The following TMEM265 variants were observed in gnomAD, a reference collection of about 807,000 sequenced individuals.
The protein encoded by TMEM265 is transmembrane protein 265.
In TMEM265, 8 loss-of-function variants were observed where a neutral mutation model predicts 9.5. That is an observed-to-expected ratio of 0.84 (90% CI 0.49 to 1.52). The LOEUF is 1.52. Among genes scored for constraint, TMEM265 ranks in the 40% most tolerant of loss-of-function variants. The pLI, the probability that TMEM265 is intolerant of heterozygous loss-of-function variation, is 0.00. For missense variants in TMEM265, 152 were observed against 146.2 expected (o/e 1.04, Z -0.21); for synonymous variants, 53 against 56.9 (o/e 0.93, Z 0.31).
In TMEM265 at chr16:30,741,785, G is replaced by A. The variant is rs1362453441; in HGVS notation, c.42G>A (p.Thr14=). 3.3e-6 allele frequency: 5 copies of A among 1,532,440 alleles called. No homozygotes were observed. The highest frequency in any genetic ancestry group is 2.4e-5 in the East Asian group (1 of 40,878). 94.9% of individuals were successfully genotyped at this position (1,532,440 alleles called of 1,614,324 possible). Residue 14 remains threonine, a synonymous_variant, in exon 2 of 3, where the codon ACG becomes ACA. Transcript: ENST00000615541. ...EEKAVEILGN[T]EAAHPPSPIR... is the part of the protein sequence containing the mutation. ...AGGCAGTGGAGATCTTGGGCAACAC[G>A]GAAGCTGCTCATCCTCCATCCCCCA... is the stretch of plus-strand genomic sequence containing the variant.
In TMEM265 at chr16:30,744,027, T is replaced by C. The variant is rs1047845133; in HGVS notation, c.*84T>C. The stretch of plus-strand genomic sequence containing the variant: ...TGCTAAGGTCCTGTGACAGCAGTGG[T>C]TGGAAGGATCCTGGTTGGAAGGATG... On this transcript the variant is annotated 3_prime_UTR_variant, in exon 3 of 3. Transcript: ENST00000615541. The C allele has an allele frequency of 1.4e-6, 2 of 1,430,346 alleles. No individual in the cohort carries two copies. The allele number at this position is 1,430,346 out of a possible 1,614,324, so 88.6% of individuals were successfully genotyped here. A position where few individuals can be genotyped will look rare whatever the true frequency, so the allele number is the denominator to read the frequency against.
In TMEM265 at chr16:30,744,416, C is replaced by A. The variant is rs1210384015; in HGVS notation, c.*473C>A. ...AAGAGAAGGAAACAATTTTTATTTT[C>A]TTCTTCTGGAAGTTTCCCTTCTTGG... On this transcript the variant is annotated 3_prime_UTR_variant, in exon 3 of 3. Coordinates refer to ENST00000615541, the MANE Select transcript of TMEM265 (RefSeq NM_001256829.2). The A allele has an allele frequency of 1.3e-5, 2 of 152,470 alleles. No homozygotes were observed. The highest frequency in any genetic ancestry group is 1.5e-5 in the Non-Finnish European group (1 of 68,230). The allele number at this position is 152,470 out of a possible 1,614,324, so 9.4% of individuals were successfully genotyped here.
In TMEM265 at chr16:30,744,196, G is replaced by T. The variant is rs2053242653; in HGVS notation, c.*253G>T. ...TCTCCCCTACCCTAGCCCACCCTAG[G>T]GCCTCTACCCAGCGGGAGGGGTTGA... On this transcript the variant is annotated 3_prime_UTR_variant, in exon 3 of 3. Coordinates refer to ENST00000615541, the MANE Select transcript of TMEM265 (RefSeq NM_001256829.2). 3 of 390,686 alleles carry T rather than the reference G, an allele frequency of 7.7e-6. No individual in the cohort carries two copies. The South Asian group carries it at 2.9e-4, about 37-fold the overall frequency. The allele number at this position is 390,686 out of a possible 1,614,324, so 24.2% of individuals were successfully genotyped here.
chr16:30,743,807 G>A lies in TMEM265; in HGVS notation c.191G>A (p.Arg64Gln), dbSNP rs764707518. ...GCGGAAGAGCGGCATAAAGCAGGCC[G>A]GTCCGAGGAGGCAGTGCGCTGGGGG... ...IKAEERHKAG[R>Q]SEEAVRWGAR... The change falls in exon 3 of 3, where the codon CGG (arginine) becomes CAG (glutamine). Residue 64 changes from arginine (R) to glutamine (Q), a missense_variant. Arg to Gln is a conservative substitution (Grantham distance 43, BLOSUM62 1). Transcript: ENST00000615541. 44 of 1,532,868 alleles carry A rather than the reference G, an allele frequency of 2.9e-5. No individual in the cohort carries two copies. The highest frequency in any genetic ancestry group is 8.2e-5 in the African/African-American group (6 of 72,848). 95.0% of individuals were successfully genotyped at this position (1,532,868 alleles called of 1,614,324 possible). A position where few individuals can be genotyped will look rare whatever the true frequency, so the allele number is the denominator to read the frequency against.
intron 1 of TMEM265, 196 bp from the exon 2 acceptor site, chr16:30,741,545 G>A: frequency 1.8e-6 from 1 of 558,058 alleles, no homozygotes; most frequent in Middle Eastern, 4.9e-4. Context: ...AGAACCTCAA[G>A]CTTAGGTAAA....
In TMEM265 at chr16:30,744,255, T is replaced by C; in HGVS notation, c.*312T>C. 8.1e-6 allele frequency: 2 copies of C among 246,804 alleles called. No individual in the cohort carries two copies. Among genetic ancestry groups the C allele is most frequent in the Non-Finnish European group, 1.5e-5 (2 of 130,444 alleles). 15.3% of individuals were successfully genotyped at this position (246,804 alleles called of 1,614,324 possible). ...CCTGGTTTTATTAGAATTCATTTTG[T>C]AATAAAAGCCTTTTTTAGTGGTGAA... On this transcript the variant is annotated 3_prime_UTR_variant, in exon 3 of 3. Transcript: ENST00000615541.
Position 30,741,723 on chromosome 16 carries a change from C to T in TMEM265, c.-3-18C>T, listed in dbSNP as rs1178067134. 2 of 1,529,634 alleles carry T rather than the reference C, an allele frequency of 1.3e-6. No individual in the cohort carries two copies. The highest frequency in any genetic ancestry group is 1.7e-6 in the Non-Finnish European group (2 of 1,143,390). The allele number at this position is 1,529,634 out of a possible 1,614,324, so 94.8% of individuals were successfully genotyped here. Reference sequence around the variant, plus strand: ...GCTCTGTTGTTGGGCTCACAAGTACCTTGACTATCGCCCACAGGTGATGGA... The same window carrying T: ...GCTCTGTTGTTGGGCTCACAAGTACTTTGACTATCGCCCACAGGTGATGGA... On this transcript the variant is annotated intron_variant, in intron 1 of 2. Transcript: ENST00000615541.
intron 2 of TMEM265, 57 bp downstream of exon 2, chr16:30,741,965 A>G (rs2053229348): frequency 6.7e-7 from 1 of 1,483,504 alleles, no homozygotes; most frequent in Non-Finnish European, 9.0e-7. Flanking sequence ...GGTTTCATGT[A>G]TCTGATCTAT....
At chr16:30,742,949 A>C (rs541978251) in intron 2 of TMEM265, among the ~76,000 whole-genome samples, 16 of 151,602 alleles carry the variant, frequency 1.1e-4, no homozygotes, top group East Asian at 7.8e-4. Flanking sequence ...ACAAAAAAAA[A>C]CAGCACATGT....
chr16:30,743,401 G>A (rs535297863), intron 2 of TMEM265, among the ~76,000 whole-genome samples: 1 of 152,062 alleles, frequency 6.6e-6, no homozygotes, highest in African/African-American at 2.4e-5. Flanking sequence ...AAAAAAAGAT[G>A]GAAAAGATGA....
At chr16:30,741,038 T>C (rs941167037) in intron 1 of TMEM265, 2 of 152,208 alleles carry the variant, frequency 1.3e-5, no homozygotes, top group African/African-American at 4.8e-5. Context: ...GGCATCATTT[T>C]GCAGGTTTCT....
In TMEM265 at chr16:30,743,784, G is replaced by A. The variant is rs1447193092; in HGVS notation, c.168G>A (p.Ala56=). 26 of 1,526,476 alleles carry A rather than the reference G, an allele frequency of 1.7e-5. No individual in the cohort carries two copies. The highest frequency in any genetic ancestry group is 2.3e-4 in the Middle Eastern group (1 of 4,332). The allele number at this position is 1,526,476 out of a possible 1,614,324, so 94.6% of individuals were successfully genotyped here. ...GVMALVFAIK[A]EERHKAGRSE... The stretch of plus-strand genomic sequence containing the variant: ...TAACCAAGAACCTGCCCCCACAGGC[G>A]GAAGAGCGGCATAAAGCAGGCCGGT... The change falls in exon 3 of 3, where the codon GCG becomes GCA. Residue 56 remains alanine, a splice_region_variant and synonymous_variant. Coordinates refer to ENST00000615541, the MANE Select transcript of TMEM265 (RefSeq NM_001256829.2).
intron 1 of TMEM265, 83 bp downstream of exon 1, chr16:30,740,790 A>G (rs923925976): frequency 2.6e-5 from 4 of 152,230 alleles, no homozygotes; most frequent in Admixed American, 2.0e-4. Flanking sequence ...TGCTTACCTC[A>G]TCTGAGTTAT....
At position 30,744,286 on chromosome 16, in the gene TMEM265, C is replaced by T; in HGVS notation, c.*343C>T. ...AAGCCTTTTTTAGTGGTGAAATACT[C>T]CTGTCTAATTGTTCTCCTCCTGCTT... is the stretch of plus-strand genomic sequence containing the variant. On this transcript the variant is annotated 3_prime_UTR_variant, in exon 3 of 3. Coordinates refer to ENST00000615541, the MANE Select transcript of TMEM265 (RefSeq NM_001256829.2). 5.3e-6 allele frequency: 1 copy of T among 188,096 alleles called. No homozygotes were observed. Among genetic ancestry groups the T allele is most frequent in the Non-Finnish European group, 1.1e-5 (1 of 92,402 alleles). The allele number at this position is 188,096 out of a possible 1,614,324, so 11.7% of individuals were successfully genotyped here. A position where few individuals can be genotyped will look rare whatever the true frequency, so the allele number is the denominator to read the frequency against.
At chr16:30,742,513 G>A (rs1253740328) in intron 2 of TMEM265, among the ~76,000 whole-genome samples, 3 of 152,334 alleles carry the variant, frequency 2.0e-5, no homozygotes, top group East Asian at 1.9e-4. Flanking sequence ...GGCCTACATC[G>A]AGGGTGAATT....
intron 2 of TMEM265, 76 bp from the exon 3 acceptor site, chr16:30,743,705 AG>A: frequency 1.4e-6 from 2 of 1,419,238 alleles, no homozygotes; most frequent in Non-Finnish European, 1.9e-6. Flanking sequence ...GTGACAGGGA[AG>A]GGGGAGCGGA....
rs1017355365 is a variant in TMEM265 at position 30,745,182 on chromosome 16, C to T, written c.*1239C>T. ...CTTTTCATGTTAACATTGTGAGATTCGTCAATATTTGGAATAGGTGTAGTT... is the reference window on the plus strand; with the variant it reads ...CTTTTCATGTTAACATTGTGAGATTTGTCAATATTTGGAATAGGTGTAGTT... On this transcript the variant is annotated 3_prime_UTR_variant, in exon 3 of 3. Coordinates refer to ENST00000615541, the MANE Select transcript of TMEM265 (RefSeq NM_001256829.2). The T allele has an allele frequency of 1.3e-5, 2 of 152,106 alleles. No homozygotes were observed. The highest frequency in any genetic ancestry group is 4.8e-5 in the African/African-American group (2 of 41,390). 9.4% of individuals were successfully genotyped at this position (152,106 alleles called of 1,614,324 possible). A position where few individuals can be genotyped will look rare whatever the true frequency, so the allele number is the denominator to read the frequency against.
rs1362566209 is a variant in TMEM265 at position 30,744,882 on chromosome 16, CCT to C, written c.*941_*942del. On this transcript the variant is annotated 3_prime_UTR_variant, in exon 3 of 3. Transcript: ENST00000615541. ...GGATTTTCATATCTTTTATCTTGGA[CCT>C]CATAATATTTCAAATTTTTTTTAAA... 13 of 152,096 alleles carry C rather than the reference CCT, an allele frequency of 8.5e-5. No homozygotes were observed. The highest frequency in any genetic ancestry group is 2.9e-4 in the African/African-American group (12 of 41,402). 9.4% of individuals were successfully genotyped at this position (152,096 alleles called of 1,614,324 possible). A position where few individuals can be genotyped will look rare whatever the true frequency, so the allele number is the denominator to read the frequency against.
In TMEM265 at chr16:30,743,785, G is replaced by T; in HGVS notation, c.169G>T (p.Glu57Ter). ...AACCAAGAACCTGCCCCCACAGGCG[G>T]AAGAGCGGCATAAAGCAGGCCGGTC... ...VMALVFAIKA[E>*]ERHKAGRSEE... The change falls in exon 3 of 3, where the codon GAA becomes TAA. Residue 57 changes from glutamate (E) to a stop codon, truncating the protein, a stop_gained. Transcript: ENST00000615541. LOFTEE classifies it high-confidence loss of function. 1.3e-6 allele frequency: 2 copies of T among 1,527,600 alleles called. No individual in the cohort carries two copies. Among genetic ancestry groups the T allele is most frequent in the Non-Finnish European group, 1.8e-6 (2 of 1,142,484 alleles). 94.6% of individuals were successfully genotyped at this position (1,527,600 alleles called of 1,614,324 possible).
Sources: allele counts gnomAD v4.1 joint callset (sites outside exome capture counted in the v4.1 genomes callset), GRCh38; gene constraint gnomAD v4.1.1; transcripts MANE v1.5; gene names NCBI Gene and HGNC (gene_info 2026-07-23, HGNC 2026-07-21).